Variants in ANK1 observed in about 807,000 individuals in gnomAD.
ANK1 encodes ankyrin-1.
ANK1 carries 51 observed loss-of-function variants against 210.4 expected under a neutral mutation model. The observed-to-expected ratio is 0.24, with a 90% CI of 0.19 to 0.31. ANK1 has a LOEUF of 0.31. ANK1 is among the 10% of genes least tolerant of loss of function. The pLI is 1.00. For missense variants in ANK1, 2,051 were observed against 2,504.4 expected (o/e 0.82, Z 3.86); for synonymous variants, 967 against 1,025.9 (o/e 0.94, Z 1.10).
At chr8:41,851,296 G>A (rs1811187505) in intron 1 of ANK1, among the ~76,000 whole-genome samples, 1 of 152,322 alleles carries the variant, frequency 6.6e-6, no homozygotes, top group Non-Finnish European at 1.5e-5. Context: ...GCTTCCCCGA[G>A]GATGGCAGAG....
Position 41,778,934 on chromosome 8 carries a change from T to C in ANK1, c.27+18578A>G, listed in dbSNP as rs149394767. Among the ~76,000 whole-genome samples, 250 of 151,982 alleles carry C rather than the reference T, an allele frequency of 1.6e-3. 1 individual carries two copies. Among genetic ancestry groups the C allele is most frequent in the African/African-American group, 5.4e-3 (222 of 41,404 alleles). On this transcript the variant is annotated intron_variant, in intron 1 of 42. Coordinates refer to ENST00000289734, the MANE Select transcript of ANK1 (RefSeq NM_000037.4). ...TCCTATGGGAGGGAGGAGAGAGAGA[T>C]AGAGGAGCAGTAAGATCTATTTATC...
intron 16 of ANK1, among the ~76,000 whole-genome samples, chr8:41,711,375 A>G (rs1266353637): frequency 6.6e-6 from 1 of 152,230 alleles, no homozygotes; most frequent in Non-Finnish European, 1.5e-5. Context: ...GAGGTTGGAC[A>G]CGCCTTGCTA....
At chr8:41,831,654 AAGAAG>A (rs1271409725) in intron 1 of ANK1, among the ~76,000 whole-genome samples, 6,523 of 113,572 alleles carry the variant, frequency 0.057, 414 homozygotes, top group African/African-American at 0.21. Flanking sequence ...AAAAAAAAAA[AAGAAG>A]AAGAAAAAGA....
chr8:41,664,036 C>T (rs542121947), intron 39 of ANK1: 28 of 554,684 alleles, frequency 5.0e-5, no homozygotes, highest in Non-Finnish European at 7.5e-5. Context: ...GCAAGTCTGA[C>T]GGAGGAGGCC....
At chr8:41,861,968 C>T (rs1813354244) in intron 1 of ANK1, among the ~76,000 whole-genome samples, 1 of 152,220 alleles carries the variant, frequency 6.6e-6, no homozygotes, top group African/African-American at 2.4e-5. Flanking sequence ...CTTCCCTTCC[C>T]CAGAGGTCCC....
chr8:41,750,954 A>C (rs1051144215), intron 2 of ANK1, among the ~76,000 whole-genome samples: 2 of 152,194 alleles, frequency 1.3e-5, no homozygotes, highest in African/African-American at 4.8e-5. Context: ...AATAGAACAG[A>C]AAACTAAAAG....
intron 1 of ANK1, among the ~76,000 whole-genome samples, chr8:41,813,761 A>G (rs1400882262): frequency 6.6e-6 from 1 of 152,196 alleles, no homozygotes; most frequent in Non-Finnish European, 1.5e-5. Context: ...ATTGGGGTGA[A>G]TTCCTCTCTT....
intron 2 of ANK1, among the ~76,000 whole-genome samples, chr8:41,752,500 A>G (rs1837949819): frequency 6.6e-6 from 1 of 151,876 alleles, no homozygotes; most frequent in Non-Finnish European, 1.5e-5. Flanking sequence ...ACTGCTTACT[A>G]TATATTTCTG....
chr8:41,760,986 C>A (rs933693817), intron 1 of ANK1, among the ~76,000 whole-genome samples: 5 of 151,878 alleles, frequency 3.3e-5, no homozygotes, highest in African/African-American at 1.2e-4. Context: ...GTGAAGGTGA[C>A]CTTATTTGAA....
At chr8:41,731,190 A>G (rs1361070057) in intron 3 of ANK1, among the ~76,000 whole-genome samples, 2 of 152,192 alleles carry the variant, frequency 1.3e-5, no homozygotes, top group Non-Finnish European at 2.9e-5. Context: ...AGGAAAAGGG[A>G]TTTGTGAGCC....
At chr8:41,718,078 C>T (rs1447936096) in intron 11 of ANK1, 28 bp downstream of exon 11, 6 of 1,609,780 alleles carry the variant, frequency 3.7e-6, no homozygotes, top group Non-Finnish European at 5.1e-6. Flanking sequence ...ACAGGCCTGC[C>T]CCCAGGCTCC....
At chr8:41,790,691 T>C (rs975900703) in intron 1 of ANK1, among the ~76,000 whole-genome samples, 19 of 152,168 alleles carry the variant, frequency 1.2e-4, no homozygotes, top group African/African-American at 4.6e-4. Flanking sequence ...TTTAAATGCA[T>C]GCAATTAATA....
Position 41,706,196 on chromosome 8 carries a change from G to A in ANK1, c.2044C>T (p.Pro682Ser), listed in dbSNP as rs754832300. 5.0e-6 allele frequency: 8 copies of A among 1,614,146 alleles called. No individual in the cohort carries two copies. The highest frequency in any genetic ancestry group is 6.8e-6 in the Non-Finnish European group (8 of 1,179,990). ...TGTTTGATCAGCACATCTGCCACTGGAACGTGGCCTTCTTGTGCTACCAGA... is the reference window on the plus strand; with the variant it reads ...TGTTTGATCAGCACATCTGCCACTGAAACGTGGCCTTCTTGTGCTACCAGA... ...LHLVAQEGHV[P>S]VADVLIKHGV... Residue 682 changes from proline to serine, a missense_variant, in exon 18 of 43, where the codon CCA (proline) becomes TCA (serine). By Grantham distance (74) the Pro-to-Ser change is moderately conservative. Around this residue, in one of 6 missense-constraint regions of ANK1, gnomAD observed 1,413 missense variants for 1,707.4 expected, o/e 0.83. Transcript: ENST00000289734.
intron 2 of ANK1, among the ~76,000 whole-genome samples, chr8:41,756,913 T>C (rs1352232241): frequency 1.3e-5 from 2 of 152,188 alleles, no homozygotes; most frequent in East Asian, 1.9e-4. Context: ...GAAGACACTA[T>C]GCTAAATAAA....
At chr8:41,840,877 A>G (rs1808767905) in intron 1 of ANK1, among the ~76,000 whole-genome samples, 1 of 152,244 alleles carries the variant, frequency 6.6e-6, no homozygotes, top group Non-Finnish European at 1.5e-5. Context: ...CATGCCTGTT[A>G]GGATGGCCAT....
In ANK1 at chr8:41,881,013, G is replaced by A. The variant is rs145487380; in HGVS notation, c.126+15342C>T. Among the ~76,000 whole-genome samples, 46 of 152,388 alleles carry A rather than the reference G, an allele frequency of 3.0e-4. 2 individuals carry two copies. Among genetic ancestry groups the A allele is most frequent in the Non-Finnish European group, 5.9e-4 (40 of 68,044 alleles). On this transcript the variant is annotated intron_variant, in intron 1 of 42. Coordinates refer to the ANK1 transcript ENST00000265709. ...AAGAGCCATTGCTCATAAGGGCTGGGATTTCTTGCCAGAGTACAGAGAGTT... is the reference window on the plus strand; with the variant it reads ...AAGAGCCATTGCTCATAAGGGCTGGAATTTCTTGCCAGAGTACAGAGAGTT...
chr8:41,839,870 G>A (rs1195762505), intron 1 of ANK1, among the ~76,000 whole-genome samples: 2 of 152,142 alleles, frequency 1.3e-5, no homozygotes, highest in African/African-American at 4.8e-5. Flanking sequence ...AATAATGTAT[G>A]GACGTCTAGT....
chr8:41,784,978 C>T lies in ANK1; in HGVS notation c.27+12534G>A, dbSNP rs115594322. On this transcript the variant is annotated intron_variant, in intron 1 of 42. Coordinates refer to ENST00000289734, the MANE Select transcript of ANK1 (RefSeq NM_000037.4). ...CAAGGGTTCCATCTGAAATGCTGCA[C>T]AGGACCTGGAAGAGCGACGCTGGGC... 3.2e-3 allele frequency among the ~76,000 whole-genome samples: 491 copies of T among 152,362 alleles called. 3 individuals are homozygous for T. Among genetic ancestry groups the T allele is most frequent in the African/African-American group, 0.011 (470 of 41,590 alleles).
At chr8:41,686,084 T>G in intron 36 of ANK1, 68 bp downstream of exon 36, 2 of 1,611,572 alleles carry the variant, frequency 1.2e-6, no homozygotes, top group East Asian at 4.5e-5. Flanking sequence ...TGAATGGAAT[T>G]TGAAGGAAGA....
Sources: allele counts gnomAD v4.1 joint callset (sites outside exome capture counted in the v4.1 genomes callset), GRCh38; gene constraint gnomAD v4.1.1; regional missense constraint gnomAD v4.1.1; transcripts MANE v1.5; gene names NCBI Gene and HGNC (gene_info 2026-07-23, HGNC 2026-07-21).